Variants in IGF1R observed in about 807,000 individuals in gnomAD.
The protein encoded by IGF1R is insulin like growth factor 1 receptor.
A neutral mutation model predicts 144.6 loss-of-function variants in IGF1R; 44 were observed. That is an observed-to-expected ratio of 0.30 (90% CI 0.24 to 0.39). IGF1R has a LOEUF of 0.39. IGF1R is among the 10% of genes least tolerant of loss of function. The probability of loss-of-function intolerance (pLI) is 1.00; values close to 1 mark genes in which losing one functional copy is unlikely to be tolerated. For missense variants in IGF1R, 1,355 were observed against 1,833.7 expected (o/e 0.74, Z 4.77); for synonymous variants, 795 against 722.8 (o/e 1.10, Z -1.60).
intron 2 of IGF1R, among the ~76,000 whole-genome samples, chr15:98,827,001 A>G (rs536952008): frequency 1.3e-5 from 2 of 152,346 alleles, no homozygotes; most frequent in African/African-American, 4.8e-5. Flanking sequence ...TCTCCTTAGA[A>G]GCAAGCACAA....
chr15:98,949,377 C>CA (rs1311235467), intron 20 of IGF1R, among the ~76,000 whole-genome samples: 2 of 131,332 alleles, frequency 1.5e-5, no homozygotes, highest in Admixed American at 1.7e-4. Flanking sequence ...CTTCTCACTG[C>CA]ACTTTTTTTT....
At chr15:98,900,954 C>G (rs1376603420) in intron 5 of IGF1R, among the ~76,000 whole-genome samples, 1 of 152,024 alleles carries the variant, frequency 6.6e-6, no homozygotes, top group Non-Finnish European at 1.5e-5. Context: ...AAATGATAGA[C>G]ATAGAGGTGA....
chr15:98,892,429 A>C (rs1197293787), intron 3 of IGF1R, among the ~76,000 whole-genome samples: 2 of 149,328 alleles, frequency 1.3e-5, no homozygotes, highest in African/African-American at 2.5e-5. Flanking sequence ...AGCTACTCCG[A>C]GGCAGGAGAA....
chr15:98,812,079 A>G (rs1389272449), intron 2 of IGF1R, among the ~76,000 whole-genome samples: 1 of 152,254 alleles, frequency 6.6e-6, no homozygotes, highest in African/African-American at 2.4e-5. Flanking sequence ...TTGATAAAGT[A>G]TAGTTTAATA....
At chr15:98,787,395 T>C (rs1163908568) in intron 2 of IGF1R, among the ~76,000 whole-genome samples, 1 of 152,166 alleles carries the variant, frequency 6.6e-6, no homozygotes, top group Non-Finnish European at 1.5e-5. Flanking sequence ...CCTTAAATTA[T>C]GAAACTTTCA....
At chr15:98,726,329 T>A (rs2054359047) in intron 2 of IGF1R, among the ~76,000 whole-genome samples, 3 of 152,234 alleles carry the variant, frequency 2.0e-5, no homozygotes, top group Admixed American at 2.0e-4. Context: ...GGGCTGCTGC[T>A]GAACACACAC....
In IGF1R at chr15:98,962,525, GATA is replaced by G. The variant is rs2017266593; in HGVS notation, c.*5084_*5086del. ...AACCTCTGTTGCCAGAGATGCTGAA[GATA>G]CAGACCTTGGACAGGTCAGAGGGTT... On this transcript the variant is annotated 3_prime_UTR_variant, in exon 21 of 21. Transcript: ENST00000650285. 2 of 233,624 alleles carry G rather than the reference GATA, an allele frequency of 8.6e-6. No homozygotes were observed. Among genetic ancestry groups the G allele is most frequent in the African/African-American group, 4.4e-5 (2 of 45,354 alleles). 14.5% of individuals were successfully genotyped at this position (233,624 alleles called of 1,614,324 possible). A position where few individuals can be genotyped will look rare whatever the true frequency, so the allele number is the denominator to read the frequency against.
chr15:98,648,747 C>G lies in IGF1R; in HGVS notation c.-835C>G, dbSNP rs1347464054. On this transcript the variant is annotated 5_prime_UTR_variant, in exon 1 of 21. In the 5' UTR this introduces an upstream ATG that the reference lacks. Coordinates refer to ENST00000650285, the MANE Select transcript of IGF1R (RefSeq NM_000875.5). ...AGACCCTCGGCCCCGCTCCCCGGAT[C>G]CCCCCGCGCCCTCCACGCCCCTCCC... is the stretch of plus-strand genomic sequence containing the variant. 6.9e-6 allele frequency among the ~76,000 whole-genome samples: 1 copy of G among 144,912 alleles called. No homozygotes were observed. Among genetic ancestry groups the G allele is most frequent in the African/African-American group, 2.6e-5 (1 of 38,560 alleles).
chr15:98,916,916 T>C (rs771807562), intron 10 of IGF1R, 40 bp downstream of exon 10: 1 of 1,567,806 alleles, frequency 6.4e-7, no homozygotes, highest in Non-Finnish European at 8.8e-7. Flanking sequence ...CAAAACCCAC[T>C]GCTCAGGCCG....
chr15:98,925,764 G>T (rs546754089), intron 13 of IGF1R, among the ~76,000 whole-genome samples: 1 of 152,276 alleles, frequency 6.6e-6, no homozygotes, highest in Non-Finnish European at 1.5e-5. Flanking sequence ...ATTAGTTGGG[G>T]GTGGTGGTAC....
chr15:98,777,556 A>T (rs1321700579), intron 2 of IGF1R, among the ~76,000 whole-genome samples: 1 of 152,232 alleles, frequency 6.6e-6, no homozygotes, highest in Non-Finnish European at 1.5e-5. Flanking sequence ...TCAAGGGTGC[A>T]GGCGGCTCTG....
intron 2 of IGF1R, among the ~76,000 whole-genome samples, chr15:98,809,282 C>G (rs2056534722): frequency 6.6e-6 from 1 of 152,172 alleles, no homozygotes; most frequent in East Asian, 1.9e-4. Flanking sequence ...GCTTGAGGAC[C>G]TCCTGTTAGA....
At chr15:98,715,478 A>G (rs1450183818) in intron 2 of IGF1R, among the ~76,000 whole-genome samples, 2 of 152,110 alleles carry the variant, frequency 1.3e-5, no homozygotes, top group South Asian at 2.1e-4. Context: ...ACCTATTTGT[A>G]CAATTGTTCT....
chr15:98,961,641 G>A lies in IGF1R; in HGVS notation c.*4199G>A. ...GCTTGAAGTCATATGAACCACTGAGGCACATCATGGAATTGATGTGAGCAT... is the reference window on the plus strand; with the variant it reads ...GCTTGAAGTCATATGAACCACTGAGACACATCATGGAATTGATGTGAGCAT... On this transcript the variant is annotated 3_prime_UTR_variant, in exon 21 of 21. Transcript: ENST00000650285. 4.3e-6 allele frequency: 1 copy of A among 233,730 alleles called. No homozygotes were observed. Among genetic ancestry groups the A allele is most frequent in the Non-Finnish European group, 8.5e-6 (1 of 118,052 alleles). 14.5% of individuals were successfully genotyped at this position (233,730 alleles called of 1,614,324 possible). A position where few individuals can be genotyped will look rare whatever the true frequency, so the allele number is the denominator to read the frequency against.
At chr15:98,904,643 G>C (rs1196307201) in intron 5 of IGF1R, among the ~76,000 whole-genome samples, 1 of 152,194 alleles carries the variant, frequency 6.6e-6, no homozygotes, top group Non-Finnish European at 1.5e-5. Context: ...GCTGATGACA[G>C]CCTGTGTCCT....
chr15:98,813,375 C>G (rs1342607775), intron 2 of IGF1R, among the ~76,000 whole-genome samples: 1 of 152,202 alleles, frequency 6.6e-6, no homozygotes, highest in Non-Finnish European at 1.5e-5. Context: ...CACCCTAGGG[C>G]CAGATACCAG....
At chr15:98,685,302 A>G (rs1423019212) in intron 1 of IGF1R, among the ~76,000 whole-genome samples, 1 of 152,154 alleles carries the variant, frequency 6.6e-6, no homozygotes, top group African/African-American at 2.4e-5. Flanking sequence ...TCCTGTCACC[A>G]TACTTCCTGG....
In IGF1R at chr15:98,935,200, CT is replaced by C. The variant is rs1250411938; in HGVS notation, c.3187-114del. 1.0e-6 allele frequency: 1 copy of C among 965,642 alleles called. No individual in the cohort carries two copies. The highest frequency in any genetic ancestry group is 1.6e-6 in the Non-Finnish European group (1 of 613,558). 59.8% of individuals were successfully genotyped at this position (965,642 alleles called of 1,614,324 possible). ...AGTTACCCCATTACCTCACTGCTAC[CT>C]TCAGACCCCTGTGCTCAGACCAGGC... On this transcript the variant is annotated intron_variant, in intron 16 of 20. Transcript: ENST00000650285. This position sits in a 1 kb window ranked among gnomAD's most constrained non-coding sequence, Gnocchi z 4.2.
chr15:98,672,513 C>T (rs1371906968), intron 1 of IGF1R, among the ~76,000 whole-genome samples: 5 of 142,434 alleles, frequency 3.5e-5, no homozygotes, highest in African/African-American at 8.0e-5. Context: ...GAGGTTGCAG[C>T]GAGACAAGAT....
Sources: gnomAD v4.1 joint callset for allele counts (sites outside exome capture counted in the v4.1 genomes callset) on GRCh38, gnomAD v4.1.1 for gene constraint, Gnocchi (gnomAD v3.1) non-coding constraint, MANE v1.5 for transcripts, NCBI Gene and HGNC (gene_info 2026-07-23, HGNC 2026-07-21) for gene names.